The following ZMIZ1 variants were observed in gnomAD, a reference collection of about 807,000 sequenced individuals.
ZMIZ1 encodes zinc finger MIZ domain-containing protein 1.
ZMIZ1 carries 17 observed loss-of-function variants against 113.9 expected under a neutral mutation model. That is an observed-to-expected ratio of 0.15 (90% CI 0.10 to 0.22). The LOEUF is 0.22. ZMIZ1 is among the 10% of genes least tolerant of loss of function. ZMIZ1 has a pLI of 1.00. For synonymous variants in ZMIZ1, 607 were observed against 603.1 expected, an observed-to-expected ratio of 1.01 and a Z score of -0.09; for missense variants, 1,059 against 1,477.8, an observed-to-expected ratio of 0.72 and a Z score of 4.65.
At position 79,293,389 on chromosome 10, in the gene ZMIZ1, C is replaced by T; in HGVS notation, c.966C>T (p.Pro322=). ...KDINQYGPMG[P]TQAYNSQFMN... is the part of the protein sequence containing the mutation. ...TCTGTTCCTCTTTCCAGATGGGTCC[C>T]ACCCAGGCGTATAACAGCCAATTCA... The change falls in exon 12 of 25, where the codon CCC becomes CCT. Residue 322 remains proline, a synonymous_variant. Transcript: ENST00000334512. 2 of 1,515,348 alleles carry T rather than the reference C, an allele frequency of 1.3e-6. No homozygotes were observed. The highest frequency in any genetic ancestry group is 1.8e-6 in the Non-Finnish European group (2 of 1,132,878). The allele number at this position is 1,515,348 out of a possible 1,614,324, so 93.9% of individuals were successfully genotyped here. A position where few individuals can be genotyped will look rare whatever the true frequency, so the allele number is the denominator to read the frequency against.
At chr10:79,107,041 C>A (rs1843584539) in intron 1 of ZMIZ1, among the ~76,000 whole-genome samples, 1 of 152,260 alleles carries the variant, frequency 6.6e-6, no homozygotes, top group African/African-American at 2.4e-5. Flanking sequence ...ATTGCCTTTG[C>A]ATCTGGCCAG....
At chr10:79,103,022 G>A (rs1014047237) in intron 1 of ZMIZ1, among the ~76,000 whole-genome samples, 5 of 152,210 alleles carry the variant, frequency 3.3e-5, no homozygotes, top group East Asian at 1.9e-4. Flanking sequence ...CTCGTAGTAC[G>A]TGCAGTACAG....
At chr10:79,305,399 G>C in intron 20 of ZMIZ1, 134 bp from the exon 21 acceptor site, 2 of 1,223,670 alleles carry the variant, frequency 1.6e-6, no homozygotes, top group South Asian at 1.2e-5. Context: ...CACGCGGTCA[G>C]AGTCCCCCTC....
At chr10:79,226,678 T>C (rs1302949085) in intron 7 of ZMIZ1, among the ~76,000 whole-genome samples, 1 of 152,202 alleles carries the variant, frequency 6.6e-6, no homozygotes, top group Non-Finnish European at 1.5e-5. Context: ...AGGGCCTCGG[T>C]AGAAGGTGGG....
chr10:79,179,181 A>G (rs1476420984), intron 4 of ZMIZ1, among the ~76,000 whole-genome samples: 1 of 152,250 alleles, frequency 6.6e-6, no homozygotes, highest in Non-Finnish European at 1.5e-5. Context: ...TCCAAGAGTT[A>G]ATGTTACTGG....
At chr10:79,198,808 C>T (rs1413792279) in intron 4 of ZMIZ1, among the ~76,000 whole-genome samples, 1 of 151,736 alleles carries the variant, frequency 6.6e-6, no homozygotes, top group Non-Finnish European at 1.5e-5. Context: ...CCGAGGTGGG[C>T]AGATTGCCTG....
chr10:79,305,319 A>G, intron 20 of ZMIZ1, 88 bp downstream of exon 20: 1 of 1,486,248 alleles, frequency 6.7e-7, no homozygotes, highest in Non-Finnish European at 9.4e-7. Context: ...CACCTGCCCT[A>G]AATGCAAACC....
At chr10:79,195,661 G>A (rs1489539553) in intron 4 of ZMIZ1, among the ~76,000 whole-genome samples, 4 of 152,220 alleles carry the variant, frequency 2.6e-5, no homozygotes, top group African/African-American at 9.6e-5. Context: ...AAAGGTGGCC[G>A]GTGTGCAGGG....
intron 4 of ZMIZ1, among the ~76,000 whole-genome samples, chr10:79,196,356 T>C (rs1847832157): frequency 2.0e-5 from 3 of 152,240 alleles, no homozygotes; most frequent in Admixed American, 6.5e-5. Flanking sequence ...CAGCCCTGCC[T>C]GGGAGCAAAG....
intron 3 of ZMIZ1, among the ~76,000 whole-genome samples, chr10:79,157,808 C>A (rs1433658558): frequency 2.0e-5 from 3 of 152,140 alleles, no homozygotes; most frequent in Admixed American, 2.0e-4. Context: ...CAGCACTGGC[C>A]CGCCAGGGGA....
intron 8 of ZMIZ1, among the ~76,000 whole-genome samples, chr10:79,287,072 G>A (rs192519049): frequency 3.3e-5 from 5 of 152,348 alleles, no homozygotes; most frequent in Admixed American, 2.6e-4. Flanking sequence ...GGGCCTTGAG[G>A]ACAGCAGGTG....
intron 8 of ZMIZ1, among the ~76,000 whole-genome samples, chr10:79,286,753 A>G (rs1236494954): frequency 5.9e-5 from 9 of 152,240 alleles, no homozygotes; most frequent in Admixed American, 5.9e-4. Context: ...TCACCCACGG[A>G]GCTGCAGGGC....
In ZMIZ1 at chr10:79,118,771, A is replaced by C. The variant is rs533591434; in HGVS notation, c.-336-144A>C. 6.6e-6 allele frequency: 1 copy of C among 152,436 alleles called. No homozygotes were observed. Among genetic ancestry groups the C allele is most frequent in the East Asian group, 1.9e-4 (1 of 5,188 alleles). The allele number at this position is 152,436 out of a possible 1,614,324, so 9.4% of individuals were successfully genotyped here. The stretch of plus-strand genomic sequence containing the variant: ...ATTTGGCAGTGGCAGGACGGTATCC[A>C]GTGTCTCGAGTAGCTCCACGTTGGT... On this transcript the variant is annotated intron_variant, in intron 1 of 24. Coordinates refer to ENST00000334512, the MANE Select transcript of ZMIZ1 (RefSeq NM_020338.4). This position sits in a 1 kb window ranked among gnomAD's most constrained non-coding sequence, Gnocchi z 4.1.
chr10:79,276,838 C>T (rs1852322797), intron 7 of ZMIZ1, among the ~76,000 whole-genome samples: 1 of 152,066 alleles, frequency 6.6e-6, no homozygotes, highest in South Asian at 2.1e-4. Context: ...TGTCAGGCCC[C>T]CTCACTCCTC....
intron 2 of ZMIZ1, among the ~76,000 whole-genome samples, chr10:79,133,877 G>T (rs181452997): frequency 1.3e-3 from 203 of 152,302 alleles, no homozygotes; most frequent in African/African-American, 4.8e-3. Flanking sequence ...AGGCATAATT[G>T]TACTACCGAA....
intron 1 of ZMIZ1, among the ~76,000 whole-genome samples, chr10:79,097,108 G>A (rs1472757334): frequency 6.6e-6 from 1 of 152,216 alleles, no homozygotes; most frequent in Non-Finnish European, 1.5e-5. Flanking sequence ...TTGCCCCCGG[G>A]TCGCCAGCAG....
chr10:79,200,579 CG>C (rs774426043), intron 4 of ZMIZ1, among the ~76,000 whole-genome samples: 1 of 152,230 alleles, frequency 6.6e-6, no homozygotes, highest in East Asian at 1.9e-4. Context: ...GTGGAAACCG[CG>C]GGCTGGCAGT....
intron 21 of ZMIZ1, 60 bp from the exon 22 acceptor site, chr10:79,306,040 G>T: frequency 6.4e-7 from 1 of 1,573,722 alleles, no homozygotes; most frequent in Non-Finnish European, 8.6e-7. Context: ...AGCTGGAGGT[G>T]CTTTTATGCC....
intron 22 of ZMIZ1, 86 bp from the exon 23 acceptor site, chr10:79,307,319 T>G: frequency 7.3e-7 from 1 of 1,378,386 alleles, no homozygotes; most frequent in Admixed American, 1.9e-5. Context: ...GGACTTGGCT[T>G]GTATTTTTAC....
Sources: allele counts gnomAD v4.1 joint callset (sites outside exome capture counted in the v4.1 genomes callset), GRCh38; gene constraint gnomAD v4.1.1; non-coding constraint Gnocchi (gnomAD v3.1); transcripts MANE v1.5; gene names NCBI Gene and HGNC (gene_info 2026-07-23, HGNC 2026-07-21).